Variants in ESRRG observed in about 807,000 individuals in gnomAD.
ESRRG encodes the protein estrogen-related receptor gamma.
In ESRRG, 13 loss-of-function variants were observed where a neutral mutation model predicts 44.0. The observed-to-expected ratio is 0.30, with a 90% CI of 0.19 to 0.47. The LOEUF (loss-of-function observed/expected upper bound fraction) is 0.47, where lower values mean the gene tolerates loss of function less well. ESRRG is among the 20% of genes least tolerant of loss of function. ESRRG has a pLI of 1.00. For synonymous variants in ESRRG, 215 were observed against 214.6 expected (o/e 1.00, Z -0.02); for missense variants, 395 against 580.6 (o/e 0.68, Z 3.29).
chr1:216,576,691 G>A (rs1165418345), intron 3 of ESRRG, among the ~76,000 whole-genome samples: 2 of 152,010 alleles, frequency 1.3e-5, no homozygotes, highest in African/African-American at 4.8e-5. Flanking sequence ...CACTGGAGCT[G>A]AGATTGCAAT....
chr1:216,799,879 A>C (rs531456580), intron 2 of ESRRG, among the ~76,000 whole-genome samples: 102 of 152,122 alleles, frequency 6.7e-4, no homozygotes, highest in Non-Finnish European at 1.1e-3. Context: ...TTAGTCAGTA[A>C]TTTGGGATTA....
At chr1:216,824,849 C>T (rs1202227416) in intron 2 of ESRRG, among the ~76,000 whole-genome samples, 4 of 152,186 alleles carry the variant, frequency 2.6e-5, no homozygotes, top group Non-Finnish European at 5.9e-5. Flanking sequence ...TGGGAAGTAA[C>T]GAACCATGAA....
chr1:216,709,269 T>C (rs115357311), intron 1 of ESRRG, among the ~76,000 whole-genome samples: 2,808 of 151,846 alleles, frequency 0.018, 89 homozygotes, highest in African/African-American at 0.061. Flanking sequence ...AAAGCTTACA[T>C]TTGCATGTGT....
intron 2 of ESRRG, among the ~76,000 whole-genome samples, chr1:216,765,415 C>G (rs1449990697): frequency 1.3e-5 from 2 of 152,098 alleles, no homozygotes; most frequent in African/African-American, 4.8e-5. Context: ...GCCCTGTGAT[C>G]ACCCCTAGTC....
At chr1:216,549,390 A>G (rs979107910) in intron 5 of ESRRG, among the ~76,000 whole-genome samples, 2 of 152,118 alleles carry the variant, frequency 1.3e-5, no homozygotes, top group African/African-American at 4.8e-5. Context: ...GAGATAATCA[A>G]ATAGAACCAA....
intron 2 of ESRRG, among the ~76,000 whole-genome samples, chr1:216,764,246 G>A (rs193170221): frequency 5.2e-4 from 77 of 148,352 alleles, no homozygotes; most frequent in Admixed American, 1.3e-3. Context: ...TGCTAGTCTT[G>A]CTAGGTTGCC....
chr1:217,030,458 C>A (rs2081914356), intron 1 of ESRRG, among the ~76,000 whole-genome samples: 1 of 152,204 alleles, frequency 6.6e-6, no homozygotes, highest in South Asian at 2.1e-4. Context: ...GGTGGGAAGG[C>A]CACTGGCAGG....
intron 2 of ESRRG, among the ~76,000 whole-genome samples, chr1:216,840,784 G>A (rs2148866199): frequency 6.6e-6 from 1 of 152,248 alleles, no homozygotes; most frequent in East Asian, 1.9e-4. Context: ...CATTGGTGGA[G>A]CACTCAGAAT....
chr1:216,589,759 T>C (rs1452274643), intron 3 of ESRRG, among the ~76,000 whole-genome samples: 2 of 151,462 alleles, frequency 1.3e-5, no homozygotes, highest in East Asian at 1.9e-4. Flanking sequence ...CAAAAATTAG[T>C]TGGGCATGGT....
chr1:217,035,742 G>A (rs1372465579), intron 1 of ESRRG, among the ~76,000 whole-genome samples: 3 of 151,452 alleles, frequency 2.0e-5, no homozygotes, highest in Non-Finnish European at 4.4e-5. Context: ...TAAATAACTT[G>A]TCAGAGTTTT....
At position 216,723,388 on chromosome 1, in the gene ESRRG, T is replaced by G; in HGVS notation, c.-89A>C. ...AGTGCAATTAACACAAATGTTCTCCTAGTGACAAGCCTATAGGCACAGCCA... is the reference window on the plus strand; with the variant it reads ...AGTGCAATTAACACAAATGTTCTCCGAGTGACAAGCCTATAGGCACAGCCA... On this transcript the variant is annotated 5_prime_UTR_variant, in exon 1 of 7. Transcript: ENST00000408911. The G allele has an allele frequency of 7.1e-6, 9 of 1,272,392 alleles. No individual in the cohort carries two copies. Among genetic ancestry groups the G allele is most frequent in the Non-Finnish European group, 9.2e-6 (8 of 873,502 alleles). 78.8% of individuals were successfully genotyped at this position (1,272,392 alleles called of 1,614,324 possible).
chr1:216,510,224 G>C (rs990009468), intron 6 of ESRRG, among the ~76,000 whole-genome samples: 1 of 152,098 alleles, frequency 6.6e-6, no homozygotes, highest in African/African-American at 2.4e-5. Flanking sequence ...TGAAAATCTA[G>C]GTAGTTCTAC....
At chr1:216,794,530 T>G (rs2094421380) in intron 2 of ESRRG, among the ~76,000 whole-genome samples, 1 of 152,180 alleles carries the variant, frequency 6.6e-6, no homozygotes, top group African/African-American at 2.4e-5. Flanking sequence ...CCCATTACCA[T>G]GTAGAGAAAT....
chr1:216,647,197 A>C (rs1333286970), intron 3 of ESRRG, among the ~76,000 whole-genome samples: 1 of 152,178 alleles, frequency 6.6e-6, no homozygotes, highest in Non-Finnish European at 1.5e-5. Flanking sequence ...AATACCTGAA[A>C]AAAATGAAAA....
chr1:216,559,212 C>T (rs1359247793), intron 5 of ESRRG, among the ~76,000 whole-genome samples: 2 of 152,218 alleles, frequency 1.3e-5, no homozygotes, highest in Non-Finnish European at 2.9e-5. Flanking sequence ...TTATTAAGTG[C>T]CAAGGTTTTG....
chr1:216,549,322 G>T (rs913796089), intron 5 of ESRRG, among the ~76,000 whole-genome samples: 7 of 151,982 alleles, frequency 4.6e-5, no homozygotes, highest in Admixed American at 6.6e-5. Flanking sequence ...AAAAGAAAGA[G>T]AAATAGATAA....
intron 2 of ESRRG, among the ~76,000 whole-genome samples, chr1:216,856,810 C>G (rs905609145): frequency 1.3e-5 from 2 of 152,176 alleles, no homozygotes; most frequent in African/African-American, 4.8e-5. Flanking sequence ...TCTCTTAAGA[C>G]CCAGTTAAGA....
intron 2 of ESRRG, among the ~76,000 whole-genome samples, chr1:216,927,646 T>C (rs1287075751): frequency 2.0e-5 from 3 of 152,244 alleles, no homozygotes; most frequent in African/African-American, 7.2e-5. Context: ...TTGAGCTTGA[T>C]GGCTAAGGCA....
chr1:217,125,122 G>T (rs2092871659), intron 1 of ESRRG, among the ~76,000 whole-genome samples: 1 of 152,152 alleles, frequency 6.6e-6, no homozygotes, highest in Non-Finnish European at 1.5e-5. Context: ...AGATCCCAGT[G>T]CTTGCTAGGT....
Sources: gnomAD v4.1 joint callset for allele counts (sites outside exome capture counted in the v4.1 genomes callset) on GRCh38, gnomAD v4.1.1 for gene constraint, MANE v1.5 for transcripts, NCBI Gene and HGNC (gene_info 2026-07-23, HGNC 2026-07-21) for gene names.